DNAJC3: variants seen among roughly 807,000 people sequenced by gnomAD.
DNAJC3 encodes the protein dnaJ homolog subfamily C member 3.
DNAJC3 carries 38 observed loss-of-function variants against 68.6 expected under a neutral mutation model. That is an observed-to-expected ratio of 0.55 (90% CI 0.43 to 0.73). The LOEUF is 0.73. DNAJC3 is among the 30% of genes least tolerant of loss of function. DNAJC3 has a pLI of 0.00. For synonymous variants in DNAJC3, 203 were observed against 204.0 expected, an observed-to-expected ratio of 1.00 and a Z score of 0.04; for missense variants, 526 against 591.9, an observed-to-expected ratio of 0.89 and a Z score of 1.16.
intron 4 of DNAJC3, among the ~76,000 whole-genome samples, chr13:95,738,579 G>A (rs992892160): frequency 2.6e-5 from 4 of 152,080 alleles, no homozygotes; most frequent in African/African-American, 9.7e-5. Context: ...ATTATGTCAT[G>A]GCCTTCTTTG....
chr13:95,761,771 C>CT (rs796680903), intron 7 of DNAJC3, among the ~76,000 whole-genome samples: 2,703 of 142,824 alleles, frequency 0.019, 85 homozygotes, highest in African/African-American at 0.061. Flanking sequence ...TTGGGATTGG[C>CT]TTTTTTTTTT....
At chr13:95,761,993 T>C (rs1372893896) in intron 7 of DNAJC3, among the ~76,000 whole-genome samples, 1 of 152,186 alleles carries the variant, frequency 6.6e-6, no homozygotes, top group African/African-American at 2.4e-5. Context: ...TTGAGTAGTT[T>C]CCATGGTATG....
At chr13:95,752,916 A>G (rs1331118445) in intron 4 of DNAJC3, among the ~76,000 whole-genome samples, 3 of 152,180 alleles carry the variant, frequency 2.0e-5, no homozygotes, top group East Asian at 3.8e-4. Flanking sequence ...TTATATTCCC[A>G]CCAGCAGCAT....
intron 11 of DNAJC3, among the ~76,000 whole-genome samples, chr13:95,787,557 C>A (rs568330566): frequency 6.6e-6 from 1 of 152,236 alleles, no homozygotes; most frequent in African/African-American, 2.4e-5. Flanking sequence ...GGCTGGATTA[C>A]ATGGAGTGGG....
rs1052875803 is a variant in DNAJC3, at chr13:95,709,422, A to T, written c.193+85A>T. The T allele has an allele frequency of 3.2e-6, 3 of 940,686 alleles. No homozygotes were observed. In the South Asian group the frequency reaches 5.4e-5, roughly 17 times the overall value. The allele number at this position is 940,686 out of a possible 1,614,324, so 58.3% of individuals were successfully genotyped here. A position where few individuals can be genotyped will look rare whatever the true frequency, so the allele number is the denominator to read the frequency against. ...TTTTTTTAAAAATAACATTTAAAAT[A>T]AACATTATTTCATGTTTAAATAAAA... On this transcript the variant is annotated intron_variant, in intron 2 of 11. Coordinates refer to ENST00000602402, the MANE Select transcript of DNAJC3 (RefSeq NM_006260.5).
intron 1 of DNAJC3, among the ~76,000 whole-genome samples, chr13:95,696,178 A>G (rs935869059): frequency 6.6e-6 from 1 of 152,224 alleles, no homozygotes; most frequent in African/African-American, 2.4e-5. Context: ...TTGATATTAC[A>G]TAGTGCATAC....
chr13:95,722,837 C>G lies in DNAJC3; in HGVS notation c.194-405C>G, dbSNP rs796309638. Among the ~76,000 whole-genome samples, 70 of 30,858 alleles carry G rather than the reference C, an allele frequency of 2.3e-3. 11 individuals are homozygous for G. The highest frequency in any genetic ancestry group is 0.02 in the Middle Eastern group (2 of 100). The allele number at this position is 30,858 out of a possible 152,430, so 20.2% of individuals were successfully genotyped here. ...TCCGCCCCCCCCCCCCCCCCCCCCC[C>G]CCGCCGAAAAAGGTTATAAGTTGAA... On this transcript the variant is annotated intron_variant, in intron 2 of 11. Transcript: ENST00000602402.
chr13:95,708,243 G>C (rs1049555625), intron 1 of DNAJC3, among the ~76,000 whole-genome samples: 7 of 152,204 alleles, frequency 4.6e-5, no homozygotes, highest in African/African-American at 1.7e-4. Context: ...CTGTAAAGAG[G>C]AAATGCCTGC....
At chr13:95,722,400 A>G (rs2139639987) in intron 2 of DNAJC3, among the ~76,000 whole-genome samples, 1 of 152,254 alleles carries the variant, frequency 6.6e-6, no homozygotes, top group Admixed American at 6.5e-5. Context: ...CCTGGACACC[A>G]ATGTGCATAG....
intron 9 of DNAJC3, among the ~76,000 whole-genome samples, chr13:95,773,731 CTTT>C (rs143145399): frequency 0.023 from 1,628 of 71,520 alleles, 43 homozygotes; most frequent in African/African-American, 0.088. Flanking sequence ...TTTTGTTGGT[CTTT>C]TTTTTTTTTT....
intron 4 of DNAJC3, among the ~76,000 whole-genome samples, chr13:95,746,991 A>G (rs149400533): frequency 0.013 from 1,982 of 152,240 alleles, 51 homozygotes; most frequent in African/African-American, 0.046. Flanking sequence ...TTTACTATAT[A>G]TTTGCTATTC....
chr13:95,720,481 G>C (rs1881287344), intron 2 of DNAJC3, among the ~76,000 whole-genome samples: 1 of 152,110 alleles, frequency 6.6e-6, no homozygotes, highest in African/African-American at 2.4e-5. Context: ...TTGCTGTCTG[G>C]TGCGTCACTT....
chr13:95,745,739 A>T (rs550932055), intron 4 of DNAJC3: 1 of 152,020 alleles, frequency 6.6e-6, no homozygotes, highest in Non-Finnish European at 1.5e-5. Context: ...TCCCCTGCAC[A>T]CTCCAGAATA....
chr13:95,758,528 C>T (rs1225597397), intron 5 of DNAJC3, among the ~76,000 whole-genome samples: 1 of 150,882 alleles, frequency 6.6e-6, no homozygotes, highest in Admixed American at 6.6e-5. Flanking sequence ...ATCCCAGCTA[C>T]TCGGGAGGCT....
At chr13:95,741,429 C>G (rs1566494217) in intron 4 of DNAJC3, among the ~76,000 whole-genome samples, 1 of 152,152 alleles carries the variant, frequency 6.6e-6, no homozygotes, top group South Asian at 2.1e-4. Flanking sequence ...GTCAGATAAG[C>G]CAGTTCTTGG....
intron 1 of DNAJC3, among the ~76,000 whole-genome samples, chr13:95,704,851 G>GTGTTTTTTTTTTGTTTTTT (rs1555323371): frequency 3.1e-5 from 3 of 97,860 alleles, no homozygotes; most frequent in African/African-American, 1.8e-4. Context: ...GTGTGTGTGT[G>GTGTTTTTTTTTTGTTTTTT]TTTTTTTTTT....
chr13:95,750,262 C>CAAAAAAAAAAA (rs1204619522), intron 4 of DNAJC3, among the ~76,000 whole-genome samples: 1 of 65,716 alleles, frequency 1.5e-5, no homozygotes, highest in Non-Finnish European at 3.3e-5. Context: ...GACCCTGTCT[C>CAAAAAAAAAAA]AAAAAAAAAA....
Position 95,791,157 on chromosome 13 carries a change from T to C in DNAJC3, c.*127T>C. The C allele has an allele frequency of 4.5e-6, 5 of 1,112,612 alleles. No homozygotes were observed. The South Asian group carries it at 4.7e-5, about 10-fold the overall frequency. 68.9% of individuals were successfully genotyped at this position (1,112,612 alleles called of 1,614,324 possible). A position where few individuals can be genotyped will look rare whatever the true frequency, so the allele number is the denominator to read the frequency against. ...GTCCATGACCAAAGAGTTGCTTTAATAGGAAAAAATCTGTTCTTATCCCTG... is the reference window on the plus strand; with the variant it reads ...GTCCATGACCAAAGAGTTGCTTTAACAGGAAAAAATCTGTTCTTATCCCTG... On this transcript the variant is annotated 3_prime_UTR_variant, in exon 12 of 12. Transcript: ENST00000602402.
intron 4 of DNAJC3, among the ~76,000 whole-genome samples, chr13:95,731,468 T>C (rs1235351647): frequency 6.6e-6 from 1 of 152,196 alleles, no homozygotes; most frequent in Non-Finnish European, 1.5e-5. Context: ...TTGAAGTATG[T>C]TCCTTCTGTG....
Sources: allele counts gnomAD v4.1 joint callset (sites outside exome capture counted in the v4.1 genomes callset), GRCh38; gene constraint gnomAD v4.1.1; transcripts MANE v1.5; gene names NCBI Gene and HGNC (gene_info 2026-07-23, HGNC 2026-07-21).